The following STXBP5 variants were observed in gnomAD, a reference collection of about 807,000 sequenced individuals.
STXBP5 encodes the protein syntaxin binding protein 5.
Under a neutral mutation model 152.4 loss-of-function variants are expected in STXBP5, and 50 were observed. That is an observed-to-expected ratio of 0.33 (90% CI 0.26 to 0.42). STXBP5 has a LOEUF of 0.42. Ranked by LOEUF, STXBP5 falls within the 10% of genes least tolerant of loss-of-function variation. The pLI, the probability that STXBP5 is intolerant of heterozygous loss-of-function variation, is 1.00. For missense variants in STXBP5, 1,167 were observed against 1,388.6 expected, an observed-to-expected ratio of 0.84 and a Z score of 2.54; for synonymous variants, 492 against 494.7, an observed-to-expected ratio of 0.99 and a Z score of 0.07.
At chr6:147,354,599 A>C (rs1017860393) in intron 22 of STXBP5, among the ~76,000 whole-genome samples, 2 of 152,140 alleles carry the variant, frequency 1.3e-5, no homozygotes, top group Non-Finnish European at 2.9e-5. Flanking sequence ...AAATATTACT[A>C]GTTAAAGTGG....
chr6:147,358,301 C>A (rs966693909), intron 22 of STXBP5, among the ~76,000 whole-genome samples: 3 of 151,718 alleles, frequency 2.0e-5, no homozygotes, highest in Non-Finnish European at 2.9e-5. Flanking sequence ...ATGGAAAAGA[C>A]TCACATTTGT....
intron 2 of STXBP5, among the ~76,000 whole-genome samples, chr6:147,212,952 G>A (rs1360976708): frequency 1.3e-5 from 2 of 152,006 alleles, no homozygotes; most frequent in African/African-American, 4.8e-5. Flanking sequence ...CTTCTTCCTT[G>A]GTTGTTAAAT....
chr6:147,374,768 G>A (rs2128419875), intron 26 of STXBP5, among the ~76,000 whole-genome samples: 1 of 152,256 alleles, frequency 6.6e-6, no homozygotes, highest in East Asian at 1.9e-4. Context: ...GTACTAAGCT[G>A]TGCTAGAGCT....
intron 2 of STXBP5, among the ~76,000 whole-genome samples, chr6:147,221,209 T>C (rs1416888375): frequency 3.3e-5 from 5 of 152,132 alleles, no homozygotes; most frequent in African/African-American, 7.2e-5. Context: ...TGATCACTTA[T>C]GTCATTGCTG....
At chr6:147,363,801 A>C (rs1482875448) in intron 24 of STXBP5, 97 bp downstream of exon 24, 1 of 1,479,538 alleles carries the variant, frequency 6.8e-7, no homozygotes, top group Non-Finnish European at 9.0e-7. Context: ...GTGTGTGTAT[A>C]GTCTTATACT....
chr6:147,304,645 C>T (rs1339838279), intron 9 of STXBP5, among the ~76,000 whole-genome samples: 3 of 152,150 alleles, frequency 2.0e-5, no homozygotes, highest in Non-Finnish European at 4.4e-5. Flanking sequence ...GCTGCAGACA[C>T]TCAACACCAA....
intron 14 of STXBP5, 74 bp from the exon 15 acceptor site, chr6:147,315,441 A>G (rs1249892724): frequency 1.0e-5 from 10 of 986,002 alleles, no homozygotes; most frequent in African/African-American, 6.5e-5. Context: ...TATACATAGT[A>G]TGAGTGATTA....
chr6:147,286,744 T>G (rs1047253658), intron 8 of STXBP5, among the ~76,000 whole-genome samples: 3 of 152,104 alleles, frequency 2.0e-5, no homozygotes, highest in African/African-American at 7.2e-5. Context: ...AGACGGATAG[T>G]TTTTTTCATA....
In STXBP5 at chr6:147,316,265, G is replaced by T; in HGVS notation, c.1660G>T (p.Val554Leu). 1 of 1,613,986 alleles carries T rather than the reference G, an allele frequency of 6.2e-7. No individual in the cohort carries two copies. The highest frequency in any genetic ancestry group is 8.5e-7 in the Non-Finnish European group (1 of 1,179,978). ...TCGATTATTATATGAGATAAATGAT[G>T]TGGAAACTCCGGAGGGTGAGCAGCC... is the stretch of plus-strand genomic sequence containing the variant. Reference protein sequence around the residue: ...EVRLLYEINDVETPEGEQPPP... With the variant: ...EVRLLYEINDLETPEGEQPPP... Residue 554 changes from valine to leucine, a missense_variant, in exon 16 of 28, where the codon GTG becomes TTG. Physicochemically the swap from Val to Leu is conservative, Grantham distance 32. This residue lies in a region of STXBP5 where 833 missense variants were observed against 986.3 expected (regional missense o/e 0.84). Transcript: ENST00000321680.
intron 2 of STXBP5, among the ~76,000 whole-genome samples, chr6:147,211,945 C>T (rs1582789018): frequency 6.6e-6 from 1 of 152,202 alleles, no homozygotes; most frequent in East Asian, 1.9e-4. Flanking sequence ...TGGAAGAGTT[C>T]CGGTCATTTG....
rs1465648187 is a variant in STXBP5, at chr6:147,235,228, T to C, written c.249-22T>C. Reference sequence around the variant, plus strand: ...TCAAAACCGAACAAATACCATAAACTCCTTAATGGAATTAATTACAGCTTT... The same window carrying C: ...TCAAAACCGAACAAATACCATAAACCCCTTAATGGAATTAATTACAGCTTT... On this transcript the variant is annotated intron_variant, in intron 2 of 27. Transcript: ENST00000321680. 5 of 1,608,132 alleles carry C rather than the reference T, an allele frequency of 3.1e-6. No homozygotes were observed. The South Asian group carries it at 5.5e-5, about 18-fold the overall frequency.
intron 15 of STXBP5, 87 bp from the exon 16 acceptor site, chr6:147,316,138 TTATG>T (rs1782631493): frequency 8.1e-7 from 1 of 1,233,258 alleles, no homozygotes; most frequent in African/African-American, 1.5e-5. Context: ...CCACTGAAGT[TTATG>T]TAAAGTGTGT....
chr6:147,355,697 G>T lies in STXBP5; in HGVS notation c.2305+2324G>T, dbSNP rs371528407. 2.2e-4 allele frequency among the ~76,000 whole-genome samples: 34 copies of T among 152,128 alleles called. No individual in the cohort carries two copies. In the South Asian group the frequency reaches 5.4e-3, roughly 24 times the overall value. ...TCTCTGAGCCTCTGTTTAATTGTTT[G>T]TTAAATTGTGATGATACTACTTTTC... On this transcript the variant is annotated intron_variant, in intron 22 of 27. Coordinates refer to ENST00000321680, the MANE Select transcript of STXBP5 (RefSeq NM_001127715.4).
At chr6:147,369,316 T>G (rs1785438713) in intron 25 of STXBP5, among the ~76,000 whole-genome samples, 1 of 152,004 alleles carries the variant, frequency 6.6e-6, no homozygotes, top group African/African-American at 2.4e-5. Context: ...ATACCAAAAT[T>G]TATTCAAAAT....
intron 21 of STXBP5, among the ~76,000 whole-genome samples, chr6:147,348,556 A>G (rs1281822277): frequency 6.6e-6 from 1 of 152,156 alleles, no homozygotes; most frequent in Non-Finnish European, 1.5e-5. Context: ...CCAAAGTTAC[A>G]TATGTTTTTC....
At chr6:147,225,912 C>T (rs1011243441) in intron 2 of STXBP5, among the ~76,000 whole-genome samples, 11 of 152,110 alleles carry the variant, frequency 7.2e-5, no homozygotes, top group African/African-American at 2.7e-4. Context: ...ATAATGGATC[C>T]TAGAGAAAAT....
chr6:147,376,948 A>G (rs1785839559), intron 26 of STXBP5, among the ~76,000 whole-genome samples: 1 of 152,174 alleles, frequency 6.6e-6, no homozygotes. Flanking sequence ...TGGTATAACT[A>G]TATTAATATA....
At chr6:147,210,950 G>A (rs1776818036) in intron 2 of STXBP5, among the ~76,000 whole-genome samples, 2 of 152,056 alleles carry the variant, frequency 1.3e-5, no homozygotes, top group Non-Finnish European at 2.9e-5. Context: ...ATTTATTTTT[G>A]TAGCTAATAC....
intron 25 of STXBP5, among the ~76,000 whole-genome samples, chr6:147,371,332 T>TTA (rs762653572): frequency 6.6e-6 from 1 of 152,092 alleles, no homozygotes; most frequent in Non-Finnish European, 1.5e-5. Flanking sequence ...AATCTAGACT[T>TTA]TAAGAAACAT....
Sources: gnomAD v4.1 joint callset for allele counts (sites outside exome capture counted in the v4.1 genomes callset) on GRCh38, gnomAD v4.1.1 for gene constraint, gnomAD v4.1.1 regional missense constraint, MANE v1.5 for transcripts, NCBI Gene and HGNC (gene_info 2026-07-23, HGNC 2026-07-21) for gene names.